Variants in AGPAT4 observed in about 807,000 individuals in gnomAD.
AGPAT4 encodes the protein 1-acylglycerol-3-phosphate O-acyltransferase 4, also known as 1-acyl-sn-glycerol-3-phosphate acyltransferase delta.
In AGPAT4, 15 loss-of-function variants were observed where a neutral mutation model predicts 48.0. That is an observed-to-expected ratio of 0.31 (90% CI 0.21 to 0.48). The LOEUF (loss-of-function observed/expected upper bound fraction) is 0.48, where lower values mean the gene tolerates loss of function less well. Ranked by LOEUF, AGPAT4 falls within the 20% of genes least tolerant of loss-of-function variation. The pLI is 0.99. For missense variants in AGPAT4, 314 were observed against 482.5 expected (o/e 0.65, Z 3.27); for synonymous variants, 178 against 198.7 (o/e 0.90, Z 0.88).
Position 161,139,525 on chromosome 6 carries a change from A to G in AGPAT4, c.939T>C (p.Phe313=), listed in dbSNP as rs1269016507. 1.2e-6 allele frequency: 2 copies of G among 1,614,006 alleles called. No homozygotes were observed. The highest frequency in any genetic ancestry group is 1.7e-5 in the Admixed American group (1 of 60,012). Residue 313 remains phenylalanine, a synonymous_variant, in exon 8 of 9, where the codon TTT becomes TTC. Coordinates refer to ENST00000320285, the MANE Select transcript of AGPAT4 (RefSeq NM_020133.3). The surrounding 1 kb of genome is among the most constrained non-coding windows in gnomAD (Gnocchi z 9.1). ...AAGGGTAGAGCACCAGCGAGGCCCA[A>G]AACAGCCAGTTCACGAGGGTCCAGG... ...RRPWTLVNWL[F]WASLVLYPFF...
intron 8 of AGPAT4, 25 bp from the exon 9 acceptor site, chr6:161,136,659 T>G: frequency 1.2e-6 from 2 of 1,607,504 alleles, no homozygotes; most frequent in Non-Finnish European, 1.7e-6. Flanking sequence ...AGAGCAGAGT[T>G]AGGAGTAGCC....
At chr6:161,187,769 C>T (rs1780813587) in intron 2 of AGPAT4, among the ~76,000 whole-genome samples, 1 of 152,140 alleles carries the variant, frequency 6.6e-6, no homozygotes, top group African/African-American at 2.4e-5. Context: ...GTCTCAAACT[C>T]CTGATCTCAA....
In AGPAT4 at chr6:161,130,120, C is replaced by T. The variant is rs558045385; in HGVS notation, c.*6420G>A. ...TGCTACACATGACAGAGCGACAGTA[C>T]CCTAGGGTGACATGACAGCCCATAT... is the stretch of plus-strand genomic sequence containing the variant. On this transcript the variant is annotated 3_prime_UTR_variant, in exon 9 of 9. Coordinates refer to ENST00000320285, the MANE Select transcript of AGPAT4 (RefSeq NM_020133.3). The T allele has an allele frequency of 6.6e-6, 1 of 152,192 alleles. No homozygotes were observed. The allele number at this position is 152,192 out of a possible 1,614,324, so 9.4% of individuals were successfully genotyped here. A position where few individuals can be genotyped will look rare whatever the true frequency, so the allele number is the denominator to read the frequency against.
chr6:161,175,067 T>G (rs928427662), intron 2 of AGPAT4, among the ~76,000 whole-genome samples: 3 of 152,214 alleles, frequency 2.0e-5, no homozygotes, highest in African/African-American at 4.8e-5. Flanking sequence ...TTATGGAGAA[T>G]TTTTGCATCG....
intron 5 of AGPAT4, among the ~76,000 whole-genome samples, chr6:161,150,266 C>A (rs1041200866): frequency 2.0e-5 from 3 of 152,154 alleles, no homozygotes; most frequent in Non-Finnish European, 4.4e-5. Flanking sequence ...GGTGGGAACC[C>A]CAGCGGCTGC....
chr6:161,154,191 G>A lies in AGPAT4; in HGVS notation c.468C>T (p.Ala156=). ...RKWEQDRKTV[A]TSLQHLRDYP... ...AGTCCCGGAGGTGCTGCAAACTGGT[G>A]GCAACCGTCTTGCGATCCTGCTCCC... The change falls in exon 4 of 9, where the codon GCC becomes GCT. Residue 156 remains alanine (A), a synonymous_variant. Coordinates refer to ENST00000320285, the MANE Select transcript of AGPAT4 (RefSeq NM_020133.3). The surrounding 1 kb of genome is among the most constrained non-coding windows in gnomAD (Gnocchi z 7.8). 1 of 1,614,102 alleles carries A rather than the reference G, an allele frequency of 6.2e-7. No individual in the cohort carries two copies. The highest frequency in any genetic ancestry group is 8.5e-7 in the Non-Finnish European group (1 of 1,180,020).
intron 1 of AGPAT4, among the ~76,000 whole-genome samples, chr6:161,258,153 T>C (rs1782994502): frequency 6.6e-6 from 1 of 152,220 alleles, no homozygotes; most frequent in Non-Finnish European, 1.5e-5. Flanking sequence ...TCCAGTCTTA[T>C]GACACTTTTT....
rs1350424564 is a variant in AGPAT4, at chr6:161,214,396, T to C, written c.178+17640A>G. The stretch of plus-strand genomic sequence containing the variant: ...GGGGGTTTCAGAAGCCTGTTGCTCC[T>C]AGGCTGCTCACCTGTACAGCATGTG... On this transcript the variant is annotated intron_variant, in intron 2 of 8. Coordinates refer to ENST00000320285, the MANE Select transcript of AGPAT4 (RefSeq NM_020133.3). The surrounding 1 kb of genome is among the most constrained non-coding windows in gnomAD (Gnocchi z 5.4). Among the ~76,000 whole-genome samples, 1 of 152,220 alleles carries C rather than the reference T, an allele frequency of 6.6e-6. No homozygotes were observed. Among genetic ancestry groups the C allele is most frequent in the African/African-American group, 2.4e-5 (1 of 41,456 alleles).
chr6:161,145,436 A>G (rs1490443708), intron 7 of AGPAT4, among the ~76,000 whole-genome samples: 1 of 151,644 alleles, frequency 6.6e-6, no homozygotes, highest in Non-Finnish European at 1.5e-5. Context: ...CTGTGCAGTG[A>G]TGGTATAAAG....
At chr6:161,157,361 G>A (rs1014678654) in intron 3 of AGPAT4, among the ~76,000 whole-genome samples, 3 of 152,184 alleles carry the variant, frequency 2.0e-5, no homozygotes, top group Non-Finnish European at 4.4e-5. Flanking sequence ...CGCACAGGCT[G>A]GAGTGCAATG....
rs16892329 is a variant in AGPAT4, at chr6:161,223,552, T to G, written c.178+8484A>C. 0.048 allele frequency among the ~76,000 whole-genome samples: 7,321 copies of G among 152,280 alleles called. 559 individuals carry two copies. The highest frequency in any genetic ancestry group is 0.16 in the African/African-American group (6,732 of 41,538). ...AATGGCTAGGAAAGGTTTAGCACAA[T>G]GCTTAATACATAATCAACACGTGAC... On this transcript the variant is annotated intron_variant, in intron 2 of 8. Coordinates refer to ENST00000320285, the MANE Select transcript of AGPAT4 (RefSeq NM_020133.3). The surrounding 1 kb of genome is among the most constrained non-coding windows in gnomAD (Gnocchi z 6.3).
At chr6:161,175,041 T>C (rs1023044731) in intron 2 of AGPAT4, among the ~76,000 whole-genome samples, 1 of 152,224 alleles carries the variant, frequency 6.6e-6, no homozygotes, top group Non-Finnish European at 1.5e-5. Flanking sequence ...GCTGCTGGAT[T>C]CGGTTTGCCA....
At chr6:161,203,188 T>C (rs1392248890) in intron 2 of AGPAT4, among the ~76,000 whole-genome samples, 6 of 152,164 alleles carry the variant, frequency 3.9e-5, no homozygotes, top group African/African-American at 7.2e-5. Flanking sequence ...TTGTCTGTTA[T>C]AGTCTCTCTC....
At position 161,266,840 on chromosome 6, in the gene AGPAT4, C is replaced by G. The variant is rs1783278320; in HGVS notation, c.-90+7098G>C. ...TTCATCCGCCTCGGTTAACCTCTAC[C>G]CACAGAAGACTGACAGCTCACGAGG... On this transcript the variant is annotated intron_variant, in intron 1 of 8. Transcript: ENST00000320285. The surrounding 1 kb of genome is among the most constrained non-coding windows in gnomAD (Gnocchi z 6.2). Among the ~76,000 whole-genome samples the G allele has an allele frequency of 6.6e-6, 1 of 152,216 alleles. No homozygotes were observed. The highest frequency in any genetic ancestry group is 1.9e-4 in the East Asian group (1 of 5,202).
chr6:161,192,072 T>A (rs940819826), intron 2 of AGPAT4, among the ~76,000 whole-genome samples: 1 of 149,774 alleles, frequency 6.7e-6, no homozygotes, highest in Non-Finnish European at 1.5e-5. Context: ...CCATGGTGCC[T>A]TTCTTCTCTC....
At chr6:161,185,089 G>A (rs930348710) in intron 2 of AGPAT4, among the ~76,000 whole-genome samples, 10 of 146,468 alleles carry the variant, frequency 6.8e-5, no homozygotes, top group East Asian at 2.0e-4. Flanking sequence ...ACATAAAAAC[G>A]AAATGCAATG....
rs987685528 is a variant in AGPAT4, at chr6:161,159,638, A to G, written c.349-5328T>C. ...GTGTGTGTGTGTTCATCAAAAGGTG[A>G]GAGACTCCATTCTCTTTTTTTTGAG... On this transcript the variant is annotated intron_variant, in intron 3 of 8. Coordinates refer to ENST00000320285, the MANE Select transcript of AGPAT4 (RefSeq NM_020133.3). The surrounding 1 kb of genome is among the most constrained non-coding windows in gnomAD (Gnocchi z 4.1). Among the ~76,000 whole-genome samples the G allele has an allele frequency of 6.6e-6, 1 of 152,152 alleles. No individual in the cohort carries two copies. Among genetic ancestry groups the G allele is most frequent in the African/African-American group, 2.4e-5 (1 of 41,432 alleles).
Position 161,177,669 on chromosome 6 carries a change from C to T in AGPAT4, c.179-11252G>A, listed in dbSNP as rs962749309. Among the ~76,000 whole-genome samples the T allele has an allele frequency of 5.3e-5, 8 of 152,156 alleles. No homozygotes were observed. The highest frequency in any genetic ancestry group is 2.1e-4 in the South Asian group (1 of 4,830). The stretch of plus-strand genomic sequence containing the variant: ...TTCTCAACATGTCAAAGTCATTCTC[C>T]GTCCAGCTTTCTTCCATTGCTGCGA... On this transcript the variant is annotated intron_variant, in intron 2 of 8. Transcript: ENST00000320285. This position sits in a 1 kb window ranked among gnomAD's most constrained non-coding sequence, Gnocchi z 5.0.
chr6:161,268,508 C>T (rs1783330839), intron 1 of AGPAT4, among the ~76,000 whole-genome samples: 1 of 152,124 alleles, frequency 6.6e-6, no homozygotes, highest in African/African-American at 2.4e-5. Context: ...CCTCTCCTTA[C>T]AGGAATTTTA....
Sources: allele counts gnomAD v4.1 joint callset (sites outside exome capture counted in the v4.1 genomes callset), GRCh38; gene constraint gnomAD v4.1.1; non-coding constraint Gnocchi (gnomAD v3.1); transcripts MANE v1.5; gene names NCBI Gene and HGNC (gene_info 2026-07-23, HGNC 2026-07-21).